Variants in ZNF713 observed in about 807,000 individuals in gnomAD.
ZNF713 encodes zinc finger protein 713.
A neutral mutation model predicts 28.7 loss-of-function variants in ZNF713; 21 were observed. That is an observed-to-expected ratio of 0.73 (90% confidence interval 0.52 to 1.05). ZNF713 has a LOEUF of 1.05. Among genes scored for constraint, ZNF713 ranks in the 50% least tolerant of loss-of-function variants. The probability of loss-of-function intolerance (pLI) is 0.00; values close to 1 mark genes in which losing one functional copy is unlikely to be tolerated. For synonymous variants in ZNF713, 167 were observed against 178.0 expected, an observed-to-expected ratio of 0.94 and a Z score of 0.49; for missense variants, 458 against 532.4, an observed-to-expected ratio of 0.86 and a Z score of 1.37.
intron 6 of ZNF713, among the ~76,000 whole-genome samples, chr7:55,925,322 G>T (rs1734391907): frequency 6.6e-6 from 1 of 152,106 alleles, no homozygotes; most frequent in Admixed American, 6.6e-5. Context: ...AGTGATCTTA[G>T]GTAGAAAACC....
At chr7:55,894,107 G>A (rs765919888) in intron 1 of ZNF713, among the ~76,000 whole-genome samples, 1 of 152,212 alleles carries the variant, frequency 6.6e-6, no homozygotes, top group African/African-American at 2.4e-5. Flanking sequence ...AGCCCTTTCA[G>A]AGGAGGAGCT....
chr7:55,918,029 C>T (rs1785917919), intron 4 of ZNF713: 1 of 456,470 alleles, frequency 2.2e-6, no homozygotes, highest in Non-Finnish European at 4.4e-6. Context: ...CTTTGACACT[C>T]ATCCCATTAT....
At chr7:55,920,645 C>T (rs7798243) in intron 4 of ZNF713, among the ~76,000 whole-genome samples, 27,525 of 152,214 alleles carry the variant, frequency 0.18, 3,041 homozygotes, top group East Asian at 0.35. Flanking sequence ...ATAGTAGCTG[C>T]GGCAAGTTAT....
chr7:55,888,165 A>G (rs1785313107), intron 1 of ZNF713, among the ~76,000 whole-genome samples: 1 of 151,838 alleles, frequency 6.6e-6, no homozygotes, highest in Admixed American at 6.6e-5. Context: ...GTTCGGCTTT[A>G]TTTTCTTATA....
intron 1 of ZNF713, among the ~76,000 whole-genome samples, chr7:55,903,616 G>A (rs1195640663): frequency 2.7e-5 from 4 of 148,814 alleles, no homozygotes; most frequent in East Asian, 4.0e-4. Context: ...GCAGTCAGCC[G>A]AGATCGTGCC....
Position 55,903,246 on chromosome 7 carries a change from A to G in ZNF713, c.-582-3007A>G, listed in dbSNP as rs1336935412. Among the ~76,000 whole-genome samples, 5 of 152,276 alleles carry G rather than the reference A, an allele frequency of 3.3e-5. No individual in the cohort carries two copies. In the South Asian group the frequency reaches 1.0e-3, roughly 32 times the overall value. ...GTGCCTTCTATGTGCCAGGCACTGG[A>G]CATTGAAAATATTAATAGAATAGTT... On this transcript the variant is annotated intron_variant, in intron 1 of 6. Transcript: ENST00000429591.
chr7:55,887,832 G>GGGA lies in ZNF713; in HGVS notation c.-583+154_-583+155insAGG, dbSNP rs1554334653. On this transcript the variant is annotated intron_variant, in intron 1 of 6. Coordinates refer to ENST00000429591, the MANE Select transcript of ZNF713 (RefSeq NM_182633.3). Reference sequence around the variant, plus strand: ...CGGCGGGCGGCGGGCGGCGGGCGGCGGGCGGCGGGCGGCGGCGGCGGCGGG... The same window carrying GGGA: ...CGGCGGGCGGCGGGCGGCGGGCGGCGGGAGGCGGCGGGCGGCGGCGGCGGCGGG... Among the ~76,000 whole-genome samples, 15 of 25,266 alleles carry GGGA rather than the reference G, an allele frequency of 5.9e-4. 3 individuals carry two copies. Among genetic ancestry groups the GGGA allele is most frequent in the African/African-American group, 3.1e-3 (15 of 4,876 alleles). The allele number at this position is 25,266 out of a possible 152,430, so 16.6% of individuals were successfully genotyped here. A position where few individuals can be genotyped will look rare whatever the true frequency, so the allele number is the denominator to read the frequency against.
At position 55,919,490 on chromosome 7, in the gene ZNF713, G is replaced by GTTTTTTTTTTTTTTTTTT. The variant is rs55656709; in HGVS notation, c.88-3656_88-3639dup. On this transcript the variant is annotated intron_variant, in intron 4 of 6. Transcript: ENST00000429591. ...GCTGGATAAATTGGTAAACACTCCA[G>GTTTTTTTTTTTTTTTTTT]TTTTTTTTTTTTTTTTTTTTTTTTT... Among the ~76,000 whole-genome samples, 108 of 66,732 alleles carry GTTTTTTTTTTTTTTTTTT rather than the reference G, an allele frequency of 1.6e-3. 12 individuals are homozygous for GTTTTTTTTTTTTTTTTTT. Among genetic ancestry groups the GTTTTTTTTTTTTTTTTTT allele is most frequent in the Non-Finnish European group, 2.4e-3 (77 of 32,196 alleles). The allele number at this position is 66,732 out of a possible 152,430, so 43.8% of individuals were successfully genotyped here. A position where few individuals can be genotyped will look rare whatever the true frequency, so the allele number is the denominator to read the frequency against.
At chr7:55,929,280 TTA>T (rs1278905193) in intron 6 of ZNF713, among the ~76,000 whole-genome samples, 1 of 152,160 alleles carries the variant, frequency 6.6e-6, no homozygotes, top group Non-Finnish European at 1.5e-5. Context: ...TACTAGATAT[TTA>T]AAATATACAG....
intron 2 of ZNF713, among the ~76,000 whole-genome samples, chr7:55,908,112 C>T (rs1440040993): frequency 6.7e-6 from 1 of 149,048 alleles, no homozygotes; most frequent in African/African-American, 2.5e-5. Context: ...CACTTCTCTC[C>T]ATCCTCACCA....
At position 55,919,490 on chromosome 7, in the gene ZNF713, G is replaced by GTTTTT. The variant is rs55656709; in HGVS notation, c.88-3643_88-3639dup. Among the ~76,000 whole-genome samples, 604 of 66,684 alleles carry GTTTTT rather than the reference G, an allele frequency of 9.1e-3. 49 individuals carry two copies. Among genetic ancestry groups the GTTTTT allele is most frequent in the Non-Finnish European group, 0.015 (494 of 32,166 alleles). The allele number at this position is 66,684 out of a possible 152,430, so 43.7% of individuals were successfully genotyped here. A position where few individuals can be genotyped will look rare whatever the true frequency, so the allele number is the denominator to read the frequency against. On this transcript the variant is annotated intron_variant, in intron 4 of 6. Coordinates refer to ENST00000429591, the MANE Select transcript of ZNF713 (RefSeq NM_182633.3). Reference sequence around the variant, plus strand: ...GCTGGATAAATTGGTAAACACTCCAGTTTTTTTTTTTTTTTTTTTTTTTTT... The same window carrying GTTTTT: ...GCTGGATAAATTGGTAAACACTCCAGTTTTTTTTTTTTTTTTTTTTTTTTTTTTTT...
chr7:55,897,227 T>G (rs142365922), intron 1 of ZNF713, among the ~76,000 whole-genome samples: 89 of 151,970 alleles, frequency 5.9e-4, no homozygotes, highest in African/African-American at 2.1e-3. Flanking sequence ...AAGCAAGATA[T>G]GTACATAGTC....
intron 1 of ZNF713, among the ~76,000 whole-genome samples, chr7:55,890,926 G>A (rs893396200): frequency 4.0e-5 from 6 of 151,338 alleles, no homozygotes; most frequent in Admixed American, 6.6e-5. Flanking sequence ...AACCCAGGAG[G>A]TGGAGGTTGC....
intron 4 of ZNF713, among the ~76,000 whole-genome samples, chr7:55,917,340 T>G (rs1482561489): frequency 6.6e-6 from 1 of 151,344 alleles, no homozygotes; most frequent in Non-Finnish European, 1.5e-5. Flanking sequence ...CGAATTACAG[T>G]GGTCTCATCT....
chr7:55,928,358 G>C (rs1037046446), intron 6 of ZNF713, among the ~76,000 whole-genome samples: 1 of 152,208 alleles, frequency 6.6e-6, no homozygotes, highest in Non-Finnish European at 1.5e-5. Flanking sequence ...GAAACTGTAT[G>C]AGAGTTAATT....
At chr7:55,938,276 G>T (rs1786393967) in intron 6 of ZNF713, among the ~76,000 whole-genome samples, 1 of 152,096 alleles carries the variant, frequency 6.6e-6, no homozygotes, top group Admixed American at 6.6e-5. Flanking sequence ...AGCAGAGGAA[G>T]AATACCTCCA....
chr7:55,926,852 C>G (rs928697063), intron 6 of ZNF713, among the ~76,000 whole-genome samples: 1 of 152,098 alleles, frequency 6.6e-6, no homozygotes, highest in Non-Finnish European at 1.5e-5. Flanking sequence ...GACTGAGGGC[C>G]GGGCACAGTG....
At chr7:55,931,226 C>T (rs1562747952) in intron 6 of ZNF713, among the ~76,000 whole-genome samples, 1 of 151,572 alleles carries the variant, frequency 6.6e-6, no homozygotes, top group African/African-American at 2.4e-5. Flanking sequence ...TTGGAGGTTG[C>T]GGTGAGCCGA....
In ZNF713 at chr7:55,939,002, A is replaced by G. The variant is rs760829891; in HGVS notation, c.328A>G (p.Ile110Val). ...THPDGENRPEIKKSTTSQNIS... is the reference protein window; with the variant it reads ...THPDGENRPEVKKSTTSQNIS... ...TTTAGATGGAGAAAACAGACCCGAA[A>G]TCAAAAAGTCAACCACAAGCCAGAA... The change falls in exon 7 of 7, where the codon ATC becomes GTC. Residue 110 changes from isoleucine to valine, a missense_variant. Transcript: ENST00000429591. 5.9e-5 allele frequency: 94 copies of G among 1,582,276 alleles called. 1 individual carries two copies. Among genetic ancestry groups the G allele is most frequent in the Non-Finnish European group, 7.9e-5 (92 of 1,164,832 alleles).
Sources: allele counts gnomAD v4.1 joint callset (sites outside exome capture counted in the v4.1 genomes callset), GRCh38; gene constraint gnomAD v4.1.1; transcripts MANE v1.5; gene names NCBI Gene and HGNC (gene_info 2026-07-23, HGNC 2026-07-21).